The following PPP2R3C variants were observed in gnomAD, a reference collection of about 807,000 sequenced individuals.
PPP2R3C encodes the protein serine/threonine-protein phosphatase 2A regulatory subunit B'' subunit gamma.
Under a neutral mutation model 63.7 loss-of-function variants are expected in PPP2R3C, and 47 were observed. The ratio of observed to expected loss-of-function variants is 0.74; its 90% CI spans 0.58 to 0.94. The LOEUF is 0.94. Ranked by LOEUF, PPP2R3C falls within the 40% of genes least tolerant of loss-of-function variation. The pLI is 0.00. For missense variants in PPP2R3C, 421 were observed against 518.4 expected (o/e 0.81, Z 1.82); for synonymous variants, 180 against 177.4 (o/e 1.01, Z -0.12).
chr14:35,115,673 G>A (rs574576637), intron 2 of PPP2R3C, among the ~76,000 whole-genome samples: 74 of 152,120 alleles, frequency 4.9e-4, no homozygotes, highest in African/African-American at 1.7e-3. Context: ...CCAGGCTGGA[G>A]TGCAGTGGCG....
At chr14:35,114,081 C>A (rs1324841147) in intron 2 of PPP2R3C, among the ~76,000 whole-genome samples, 1 of 152,124 alleles carries the variant, frequency 6.6e-6, no homozygotes, top group Non-Finnish European at 1.5e-5. Flanking sequence ...CTTCTCTCTC[C>A]CCTCGGCTAT....
intron 11 of PPP2R3C, among the ~76,000 whole-genome samples, chr14:35,090,054 T>C (rs999798677): frequency 6.6e-6 from 1 of 152,004 alleles, no homozygotes; most frequent in African/African-American, 2.4e-5. Context: ...AAAAATTGAG[T>C]GAAAGCTGAT....
At chr14:35,118,171 T>C (rs2046761488) in intron 1 of PPP2R3C, among the ~76,000 whole-genome samples, 2 of 152,042 alleles carry the variant, frequency 1.3e-5, no homozygotes, top group South Asian at 4.2e-4. Context: ...TCGAGACGAG[T>C]ACAGATTTAA....
intron 6 of PPP2R3C, chr14:35,099,783 G>A (rs1281742132): frequency 6.0e-6 from 1 of 167,314 alleles, no homozygotes; most frequent in Non-Finnish European, 1.2e-5. Context: ...CTGTCACCCA[G>A]GCTGGAGTGC....
intron 1 of PPP2R3C, among the ~76,000 whole-genome samples, chr14:35,118,240 G>C (rs1368509779): frequency 3.3e-5 from 5 of 152,182 alleles, no homozygotes; most frequent in African/African-American, 1.2e-4. Context: ...GGAATGGCTA[G>C]AGGTGGAAAT....
At chr14:35,108,092 T>A in intron 5 of PPP2R3C, 47 bp downstream of exon 5, 1 of 1,588,462 alleles carries the variant, frequency 6.3e-7, no homozygotes, top group Non-Finnish European at 8.5e-7. Context: ...ACCAAAAACC[T>A]ACTTGATTCC....
intron 10 of PPP2R3C, among the ~76,000 whole-genome samples, chr14:35,092,027 AT>A (rs1236758529): frequency 6.7e-6 from 1 of 149,228 alleles, no homozygotes; most frequent in Admixed American, 6.7e-5. Context: ...GCCCTAGTTC[AT>A]TTTTTTATGA....
In PPP2R3C at chr14:35,110,625, G is replaced by A. The variant is rs1214951243; in HGVS notation, c.191C>T (p.Pro64Leu). The A allele has an allele frequency of 1.2e-6, 2 of 1,605,144 alleles. No homozygotes were observed. Among genetic ancestry groups the A allele is most frequent in the Non-Finnish European group, 1.7e-6 (2 of 1,175,658 alleles). The change falls in exon 3 of 13, where the codon CCT becomes CTT. Residue 64 changes from proline (P) to leucine (L), a missense_variant. Pro to Leu is a moderately conservative substitution (Grantham distance 98). Coordinates refer to ENST00000261475, the MANE Select transcript of PPP2R3C (RefSeq NM_017917.4). Reference protein sequence around the residue: ...KTIPRFYYRLPAEDEVLLQKL... With the variant: ...KTIPRFYYRLLAEDEVLLQKL... ...CTGTAGTAAGACTTCATCTTCAGCA[G>A]GCAGCTGAAAATACAAGGTAAATTT...
intron 3 of PPP2R3C, 51 bp downstream of exon 3, chr14:35,110,474 C>T (rs1451286284): frequency 9.6e-6 from 12 of 1,243,764 alleles, no homozygotes; most frequent in South Asian, 5.0e-5. Context: ...ATTTAAGTAG[C>T]ACAAATGAGA....
chr14:35,096,517 G>T, intron 9 of PPP2R3C, 41 bp downstream of exon 9: 1 of 1,558,244 alleles, frequency 6.4e-7, no homozygotes, highest in Non-Finnish European at 8.8e-7. Context: ...ATTTCCTGAA[G>T]AATGGATAAT....
chr14:35,089,730 A>G (rs898668867), intron 11 of PPP2R3C, among the ~76,000 whole-genome samples: 8 of 152,010 alleles, frequency 5.3e-5, no homozygotes, highest in Non-Finnish European at 1.0e-4. Flanking sequence ...CAGTGGCGCA[A>G]TCTCGGCTCA....
intron 2 of PPP2R3C, among the ~76,000 whole-genome samples, chr14:35,112,173 C>T (rs1461784562): frequency 6.6e-6 from 1 of 152,210 alleles, no homozygotes; most frequent in Non-Finnish European, 1.5e-5. Context: ...GTTGGCCTCC[C>T]AGGCAAGAGG....
chr14:35,092,091 C>T (rs979805559), intron 10 of PPP2R3C, among the ~76,000 whole-genome samples: 2 of 152,008 alleles, frequency 1.3e-5, no homozygotes, highest in African/African-American at 4.8e-5. Flanking sequence ...GTTTTTGAGA[C>T]AGGGTCTCAC....
chr14:35,097,930 C>G (rs1286102362), intron 7 of PPP2R3C, among the ~76,000 whole-genome samples: 1 of 151,996 alleles, frequency 6.6e-6, no homozygotes, highest in East Asian at 1.9e-4. Flanking sequence ...AGTTTGAATG[C>G]CACTTTTAAA....
At chr14:35,091,780 G>A (rs1167865818) in intron 10 of PPP2R3C, among the ~76,000 whole-genome samples, 1 of 152,032 alleles carries the variant, frequency 6.6e-6, no homozygotes, top group Non-Finnish European at 1.5e-5. Flanking sequence ...GAGTGCAGTG[G>A]TGCAATCTCA....
At chr14:35,095,687 A>C (rs2045970943) in intron 9 of PPP2R3C, among the ~76,000 whole-genome samples, 2 of 124,634 alleles carry the variant, frequency 1.6e-5, no homozygotes, top group Non-Finnish European at 1.9e-5. Context: ...AAAAAAAAAC[A>C]AAAAAAAAAA....
intron 6 of PPP2R3C, among the ~76,000 whole-genome samples, chr14:35,105,411 G>A: frequency 6.6e-6 from 1 of 151,888 alleles, no homozygotes; most frequent in East Asian, 1.9e-4. Flanking sequence ...TTGAACTCCT[G>A]ACCTCAAGAT....
intron 9 of PPP2R3C, among the ~76,000 whole-genome samples, chr14:35,096,220 C>T (rs2045993915): frequency 7.8e-6 from 1 of 128,214 alleles, no homozygotes. Context: ...CCTGTAGACC[C>T]AGTACTGGGG....
At chr14:35,117,444 CTA>C (rs2046741137) in intron 1 of PPP2R3C, among the ~76,000 whole-genome samples, 1 of 152,184 alleles carries the variant, frequency 6.6e-6, no homozygotes, top group Admixed American at 6.5e-5. Context: ...CCATTTGGTT[CTA>C]TGACAAGATC....
Sources: allele counts gnomAD v4.1 joint callset (sites outside exome capture counted in the v4.1 genomes callset), GRCh38; gene constraint gnomAD v4.1.1; transcripts MANE v1.5; gene names NCBI Gene and HGNC (gene_info 2026-07-23, HGNC 2026-07-21).